The following DLG1 variants were observed in gnomAD, a reference collection of about 807,000 sequenced individuals.
The protein encoded by DLG1 is discs large MAGUK scaffold protein 1, also known as disks large homolog 1.
A neutral mutation model predicts 123.4 loss-of-function variants in DLG1; 42 were observed. The ratio of observed to expected loss-of-function variants is 0.34; its 90% confidence interval spans 0.27 to 0.44. The LOEUF is 0.44. Among genes scored for constraint, DLG1 ranks in the 20% least tolerant of loss-of-function variants. DLG1 has a pLI of 1.00. For synonymous variants in DLG1, 317 were observed against 356.2 expected (o/e 0.89, Z 1.24); for missense variants, 942 against 1,082.6 (o/e 0.87, Z 1.82).
At chr3:197,293,849 C>T (rs1368129812) in intron 3 of DLG1, 2 of 153,358 alleles carry the variant, frequency 1.3e-5, no homozygotes, top group Non-Finnish European at 2.9e-5. Flanking sequence ...GACCCCTGTT[C>T]TCCTTTAATC....
chr3:197,085,653 C>T lies in DLG1; in HGVS notation c.1765G>A (p.Glu589Lys). 2 of 1,613,974 alleles carry T rather than the reference C, an allele frequency of 1.2e-6. No individual in the cohort carries two copies. The highest frequency in any genetic ancestry group is 1.7e-6 in the Non-Finnish European group (2 of 1,179,998). The change falls in exon 16 of 25, where the codon GAA becomes AAA. Residue 589 changes from glutamate (E) to lysine (K), a missense_variant. Transcript: ENST00000667157. ...GTAACCTGCCTGGCTTGCCACCATT[C>T]ATCATCAGAAGCATTAATAACATGG... ...ILHVINASDD[E>K]WWQARQVTPD...
intron 18 of DLG1, among the ~76,000 whole-genome samples, chr3:197,072,246 T>C (rs779198297): frequency 2.6e-5 from 4 of 152,196 alleles, no homozygotes; most frequent in Admixed American, 6.5e-5. Flanking sequence ...CATTCTGATA[T>C]ATAAGGCTTT....
chr3:197,232,269 G>C (rs1333532647), intron 4 of DLG1, among the ~76,000 whole-genome samples: 1 of 151,248 alleles, frequency 6.6e-6, no homozygotes. Flanking sequence ...GGGAGGCTGA[G>C]GGGGGAAGAC....
chr3:197,156,592 T>G (rs1165352264), intron 5 of DLG1, among the ~76,000 whole-genome samples: 2 of 152,000 alleles, frequency 1.3e-5, no homozygotes, highest in Non-Finnish European at 2.9e-5. Context: ...ACAAATATGC[T>G]GAAACTGAAG....
At chr3:197,196,937 T>C (rs1577926764) in intron 4 of DLG1, among the ~76,000 whole-genome samples, 1 of 152,346 alleles carries the variant, frequency 6.6e-6, no homozygotes, top group Non-Finnish European at 1.5e-5. Flanking sequence ...TGTGTATGTG[T>C]GTATCCATGC....
intron 4 of DLG1, among the ~76,000 whole-genome samples, chr3:197,269,730 G>A (rs2151029915): frequency 6.6e-6 from 1 of 152,248 alleles, no homozygotes; most frequent in East Asian, 1.9e-4. Context: ...GTGTATGTTA[G>A]GAGGCTATAG....
rs185709917 is a variant in DLG1 at position 197,204,257 on chromosome 3, T to A, written c.319-9668A>T. On this transcript the variant is annotated intron_variant, in intron 4 of 24. Transcript: ENST00000667157. ...TGCATACGAAACACTATTCTTTTTG[T>A]TCTTGACAACGGTTTAATATGAAGC... is the stretch of plus-strand genomic sequence containing the variant. 2.4e-3 allele frequency among the ~76,000 whole-genome samples: 361 copies of A among 152,340 alleles called. 1 individual carries two copies. The highest frequency in any genetic ancestry group is 7.6e-3 in the African/African-American group (316 of 41,572).
intron 4 of DLG1, among the ~76,000 whole-genome samples, chr3:197,261,518 T>G (rs1759453523): frequency 6.6e-6 from 1 of 152,216 alleles, no homozygotes; most frequent in African/African-American, 2.4e-5. Flanking sequence ...CTGCAATTTT[T>G]GTCCACAAAG....
chr3:197,159,921 G>A (rs1418705483), intron 5 of DLG1, among the ~76,000 whole-genome samples: 1 of 152,084 alleles, frequency 6.6e-6, no homozygotes, highest in Admixed American at 6.6e-5. Flanking sequence ...AGAAATATGA[G>A]ATAACACTAA....
At chr3:197,103,681 T>C (rs1764759981) in intron 14 of DLG1, among the ~76,000 whole-genome samples, 1 of 150,794 alleles carries the variant, frequency 6.6e-6, no homozygotes, top group African/African-American at 2.4e-5. Context: ...GAACCTCCCA[T>C]ACTTAAGAAA....
intron 4 of DLG1, among the ~76,000 whole-genome samples, chr3:197,242,643 T>C (rs1473740431): frequency 6.6e-6 from 1 of 151,678 alleles, no homozygotes; most frequent in Non-Finnish European, 1.5e-5. Flanking sequence ...CCTCAAGAAC[T>C]TCAAAAACGT....
intron 14 of DLG1, among the ~76,000 whole-genome samples, chr3:197,092,511 T>C (rs1758302237): frequency 6.6e-6 from 1 of 152,202 alleles, no homozygotes. Flanking sequence ...TTTCTTTTTT[T>C]ATTTTTAGAG....
intron 4 of DLG1, among the ~76,000 whole-genome samples, chr3:197,207,514 A>G (rs1013959828): frequency 6.6e-6 from 1 of 152,200 alleles, no homozygotes; most frequent in African/African-American, 2.4e-5. Flanking sequence ...TCAAATATTT[A>G]TGCAGGAATT....
rs1554044922 is a variant in DLG1 at position 197,245,899 on chromosome 3, T to TGGGG, written c.318+36779_318+36780insCCCC. 3.2e-4 allele frequency among the ~76,000 whole-genome samples: 30 copies of TGGGG among 93,534 alleles called. 2 individuals are homozygous for TGGGG. Among genetic ancestry groups the TGGGG allele is most frequent in the African/African-American group, 1.1e-3 (27 of 24,152 alleles). 61.4% of individuals were successfully genotyped at this position (93,534 alleles called of 152,430 possible). A position where few individuals can be genotyped will look rare whatever the true frequency, so the allele number is the denominator to read the frequency against. Reference sequence around the variant, plus strand: ...GGACATGGACAATACTTTTTTTTTTTTGGGGGGGGGGGAGGTGGCAAATGA... The same window carrying TGGGG: ...GGACATGGACAATACTTTTTTTTTTTGGGGTGGGGGGGGGGGAGGTGGCAAATGA... On this transcript the variant is annotated intron_variant, in intron 4 of 24. Transcript: ENST00000667157.
At chr3:197,252,933 TACC>T (rs546354676) in intron 4 of DLG1, among the ~76,000 whole-genome samples, 27 of 152,242 alleles carry the variant, frequency 1.8e-4, no homozygotes, top group African/African-American at 6.5e-4. Context: ...ATGTATATTT[TACC>T]ACAATAAAAA....
Position 197,085,685 on chromosome 3 carries a change from T to C in DLG1, c.1733A>G (p.Asp578Gly). ...AGAAGCATTAATAACATGGAGGATA[T>C]CTCCAAATTTGAAGTTCAGTCCCTG... Reference protein sequence around the residue: ...PSQGLNFKFGDILHVINASDD... With the variant: ...PSQGLNFKFGGILHVINASDD... Residue 578 changes from aspartate (D) to glycine (G), a missense_variant, in exon 16 of 25, where the codon GAT (aspartate) becomes GGT (glycine). Transcript: ENST00000667157. The C allele has an allele frequency of 6.2e-7, 1 of 1,613,824 alleles. No homozygotes were observed. The highest frequency in any genetic ancestry group is 8.5e-7 in the Non-Finnish European group (1 of 1,179,942).
At chr3:197,101,278 A>G (rs928061767) in intron 14 of DLG1, among the ~76,000 whole-genome samples, 1 of 152,234 alleles carries the variant, frequency 6.6e-6, no homozygotes, top group African/African-American at 2.4e-5. Context: ...AAACGGGGAT[A>G]ACGGTGCTTA....
chr3:197,285,369 C>T (rs1264000868), intron 3 of DLG1, among the ~76,000 whole-genome samples: 3 of 151,882 alleles, frequency 2.0e-5, no homozygotes, highest in Non-Finnish European at 4.4e-5. Context: ...GGGAGAAAAT[C>T]TAAATACAGG....
chr3:197,287,995 A>T (rs765752338), intron 3 of DLG1, among the ~76,000 whole-genome samples: 1 of 152,208 alleles, frequency 6.6e-6, no homozygotes, highest in Non-Finnish European at 1.5e-5. Context: ...ACAAAAATGC[A>T]TATGCAAATA....
Sources: gnomAD v4.1 joint callset for allele counts (sites outside exome capture counted in the v4.1 genomes callset) on GRCh38, gnomAD v4.1.1 for gene constraint, MANE v1.5 for transcripts, NCBI Gene and HGNC (gene_info 2026-07-23, HGNC 2026-07-21) for gene names.